CHN2: variants seen among roughly 807,000 people sequenced by gnomAD.
The protein encoded by CHN2 is beta-chimaerin.
A neutral mutation model predicts 56.3 loss-of-function variants in CHN2; 35 were observed. That is an observed-to-expected ratio of 0.62 (90% CI 0.47 to 0.82). The LOEUF is 0.82. Among genes scored for constraint, CHN2 ranks in the 40% least tolerant of loss-of-function variants. The pLI is 0.00. For missense variants in CHN2, 491 were observed against 580.5 expected, an observed-to-expected ratio of 0.85 and a Z score of 1.58; for synonymous variants, 210 against 212.8, an observed-to-expected ratio of 0.99 and a Z score of 0.12.
rs74835514 is a variant in CHN2 at position 29,215,926 on chromosome 7, C to T, written c.49+20936C>T. Among the ~76,000 whole-genome samples, 81 of 152,180 alleles carry T rather than the reference C, an allele frequency of 5.3e-4. No individual in the cohort carries two copies. The East Asian group carries it at 0.011, about 21-fold the overall frequency. Reference sequence around the variant, plus strand: ...AAAGAGTGGAAATGATATCATTTAACATTTAAATATTAAATCTTATTATGT... The same window carrying T: ...AAAGAGTGGAAATGATATCATTTAATATTTAAATATTAAATCTTATTATGT... On this transcript the variant is annotated intron_variant, in intron 1 of 12. Coordinates refer to ENST00000222792, the MANE Select transcript of CHN2 (RefSeq NM_004067.4).
At chr7:29,206,785 T>C (rs1205412589) in intron 1 of CHN2, among the ~76,000 whole-genome samples, 1 of 152,060 alleles carries the variant, frequency 6.6e-6, no homozygotes, top group African/African-American at 2.4e-5. Context: ...CAAAAAGCGA[T>C]GCTGTATACA....
chr7:29,458,831 A>G (rs1294171716), intron 6 of CHN2, among the ~76,000 whole-genome samples: 2 of 152,208 alleles, frequency 1.3e-5, no homozygotes, highest in East Asian at 1.9e-4. Flanking sequence ...AGAAGATACC[A>G]CATTTGGCTT....
intron 6 of CHN2, among the ~76,000 whole-genome samples, chr7:29,456,617 C>CA (rs1465714080): frequency 2.2e-5 from 3 of 134,484 alleles, no homozygotes; most frequent in Non-Finnish European, 4.8e-5. Flanking sequence ...CCGCCCCCTC[C>CA]CCCCCACCAC....
chr7:29,375,287 C>T (rs1385032787), intron 3 of CHN2, among the ~76,000 whole-genome samples: 2 of 149,080 alleles, frequency 1.3e-5, no homozygotes, highest in Non-Finnish European at 3.0e-5. Flanking sequence ...CAACCTCCAC[C>T]TCCTGGGTTC....
At chr7:29,235,730 T>C (rs189873238) in intron 1 of CHN2, among the ~76,000 whole-genome samples, 28 of 152,334 alleles carry the variant, frequency 1.8e-4, no homozygotes, top group Admixed American at 7.2e-4. Context: ...AATCATGTCC[T>C]TTGCAGCAAC....
At chr7:29,440,768 C>G (rs1194501694) in intron 6 of CHN2, among the ~76,000 whole-genome samples, 1 of 149,690 alleles carries the variant, frequency 6.7e-6, no homozygotes, top group African/African-American at 2.4e-5. Flanking sequence ...GACTGCTAAT[C>G]TGCTTTCAAG....
At chr7:29,429,454 G>A (rs74679519) in intron 6 of CHN2, among the ~76,000 whole-genome samples, 2,314 of 152,186 alleles carry the variant, frequency 0.015, 55 homozygotes, top group African/African-American at 0.053. Flanking sequence ...TTTTTGGTTC[G>A]CTTTGATATC....
chr7:29,376,408 G>C (rs151309897), intron 3 of CHN2: 1 of 152,348 alleles, frequency 6.6e-6, no homozygotes, highest in Non-Finnish European at 1.5e-5. Context: ...CAATGGCTGG[G>C]CTTCTAATCC....
intron 6 of CHN2, among the ~76,000 whole-genome samples, chr7:29,468,283 G>C (rs1049788791): frequency 1.8e-4 from 27 of 151,972 alleles, no homozygotes; most frequent in African/African-American, 6.5e-4. Flanking sequence ...CCCCCAGGCA[G>C]GTCCATAAAA....
chr7:29,277,223 T>A (rs1055930245), intron 1 of CHN2, among the ~76,000 whole-genome samples: 1 of 152,224 alleles, frequency 6.6e-6, no homozygotes, highest in Non-Finnish European at 1.5e-5. Context: ...TTTTGCAGCA[T>A]GACTTTCACT....
chr7:29,217,025 A>T (rs1785394204), intron 1 of CHN2, among the ~76,000 whole-genome samples: 1 of 152,204 alleles, frequency 6.6e-6, no homozygotes, highest in African/African-American at 2.4e-5. Flanking sequence ...GAGAGTCAGA[A>T]TAAATATCAT....
chr7:29,472,064 C>A (rs1786101709), intron 6 of CHN2, among the ~76,000 whole-genome samples: 1 of 152,094 alleles, frequency 6.6e-6, no homozygotes, highest in African/African-American at 2.4e-5. Context: ...TAGGATCAAG[C>A]AGGCTGGGTT....
intron 2 of CHN2, among the ~76,000 whole-genome samples, chr7:29,153,577 C>A (rs1793913506): frequency 6.6e-6 from 1 of 152,090 alleles, no homozygotes; most frequent in Admixed American, 6.6e-5. Flanking sequence ...TTATAATTTT[C>A]TTTTCTTTTA....
intron 1 of CHN2, among the ~76,000 whole-genome samples, chr7:29,264,744 T>C (rs1789977151): frequency 6.6e-6 from 1 of 150,920 alleles, no homozygotes; most frequent in Non-Finnish European, 1.5e-5. Context: ...TGACCTTCCC[T>C]CCACTATTGT....
intron 6 of CHN2, among the ~76,000 whole-genome samples, chr7:29,439,922 C>T (rs750781494): frequency 2.2e-4 from 33 of 152,102 alleles, no homozygotes; most frequent in African/African-American, 6.5e-4. Context: ...ACAGGCAAAC[C>T]GAGTCTTGTG....
At chr7:29,369,763 G>C (rs932090729) in intron 3 of CHN2, among the ~76,000 whole-genome samples, 1 of 152,122 alleles carries the variant, frequency 6.6e-6, no homozygotes, top group Admixed American at 6.6e-5. Context: ...CATCCAGCGG[G>C]CTGAGGGTCC....
Position 29,485,680 on chromosome 7 carries a change from G to T in CHN2, c.654+5324G>T, listed in dbSNP as rs565772267. Among the ~76,000 whole-genome samples the T allele has an allele frequency of 7.9e-5, 12 of 152,302 alleles. No individual in the cohort carries two copies. The East Asian group carries it at 2.3e-3, about 29-fold the overall frequency. On this transcript the variant is annotated intron_variant, in intron 7 of 12. Coordinates refer to ENST00000222792, the MANE Select transcript of CHN2 (RefSeq NM_004067.4). ...TTGGAGTCAGAAATGTGCCAGGAGC[G>T]AATAAGGTGCAGGGGAGAGACCTCG...
chr7:29,343,609 A>G (rs1797208803), intron 1 of CHN2, among the ~76,000 whole-genome samples: 3 of 151,810 alleles, frequency 2.0e-5, no homozygotes, highest in African/African-American at 7.3e-5. Context: ...TCTGTTAACC[A>G]CTTCCCCCTT....
chr7:29,496,438 C>T (rs1789293850), intron 8 of CHN2, among the ~76,000 whole-genome samples: 1 of 151,744 alleles, frequency 6.6e-6, no homozygotes, highest in Non-Finnish European at 1.5e-5. Flanking sequence ...TTACCACATA[C>T]CAGGCACCAG....
Sources: allele counts gnomAD v4.1 joint callset (sites outside exome capture counted in the v4.1 genomes callset), GRCh38; gene constraint gnomAD v4.1.1; transcripts MANE v1.5; gene names NCBI Gene and HGNC (gene_info 2026-07-23, HGNC 2026-07-21).